Variants in MARCHF1 observed in about 807,000 individuals in gnomAD.
MARCHF1 encodes the protein membrane associated ring-CH-type finger 1.
Under a neutral mutation model 54.2 loss-of-function variants are expected in MARCHF1, and 40 were observed. The observed-to-expected ratio is 0.74, with a 90% CI of 0.57 to 0.96. The LOEUF is 0.96. Among genes scored for constraint, MARCHF1 ranks in the 40% least tolerant of loss-of-function variants. The pLI, the probability that MARCHF1 is intolerant of heterozygous loss-of-function variation, is 0.00. For synonymous variants in MARCHF1, 236 were observed against 236.3 expected (o/e 1.00, Z 0.01); for missense variants, 586 against 656.5 (o/e 0.89, Z 1.17).
At chr4:163,700,664 A>T in intron 5 of MARCHF1, 149 bp downstream of exon 5, 1 of 589,566 alleles carries the variant, frequency 1.7e-6, no homozygotes, top group Non-Finnish European at 2.9e-6. Context: ...TCTTCTTATT[A>T]CAGTAAAAGC....
intron 1 of MARCHF1, among the ~76,000 whole-genome samples, chr4:164,219,023 A>C (rs1732016810): frequency 6.6e-6 from 1 of 152,224 alleles, no homozygotes; most frequent in Middle Eastern, 3.4e-3. Flanking sequence ...CAATTACTTT[A>C]TTCCATTATT....
intron 4 of MARCHF1, among the ~76,000 whole-genome samples, chr4:163,792,594 T>C (rs1009778561): frequency 6.6e-6 from 1 of 152,182 alleles, no homozygotes; most frequent in African/African-American, 2.4e-5. Context: ...ACTTAATTGG[T>C]ATCATCTTCT....
chr4:163,669,758 C>T (rs2111125258), intron 5 of MARCHF1, among the ~76,000 whole-genome samples: 1 of 152,180 alleles, frequency 6.6e-6, no homozygotes, highest in South Asian at 2.1e-4. Context: ...GCCACCATAC[C>T]TGGCTAATTT....
intron 5 of MARCHF1, among the ~76,000 whole-genome samples, chr4:163,635,998 T>G (rs1383344738): frequency 1.3e-5 from 2 of 152,154 alleles, no homozygotes; most frequent in Admixed American, 6.6e-5. Flanking sequence ...AAAAACCACA[T>G]GATTATCTCA....
At chr4:164,176,970 CTCTCTCTCTCTATAT>C (rs1730694111) in intron 1 of MARCHF1, among the ~76,000 whole-genome samples, 1 of 57,444 alleles carries the variant, frequency 1.7e-5, no homozygotes, top group Non-Finnish European at 3.1e-5. Flanking sequence ...CTCTCTCTCT[CTCTCTCTCTCTATAT>C]ATATATATAT....
chr4:163,542,344 C>T (rs1205313601), intron 9 of MARCHF1, among the ~76,000 whole-genome samples: 1 of 152,186 alleles, frequency 6.6e-6, no homozygotes, highest in Non-Finnish European at 1.5e-5. Context: ...GTGTTCAGCA[C>T]CGGGGAGATG....
At chr4:163,585,303 T>C (rs1740372054) in intron 8 of MARCHF1, 1 of 152,364 alleles carries the variant, frequency 6.6e-6, no homozygotes, top group African/African-American at 2.4e-5. Context: ...AAGAAATCAT[T>C]CTCTTCTATT....
At chr4:163,718,218 A>G (rs1045426470) in intron 4 of MARCHF1, among the ~76,000 whole-genome samples, 2 of 152,232 alleles carry the variant, frequency 1.3e-5, no homozygotes, top group Admixed American at 1.3e-4. Flanking sequence ...AAACCTAGGC[A>G]ATACCATTCA....
chr4:164,069,046 C>T (rs1297614318), intron 2 of MARCHF1, among the ~76,000 whole-genome samples: 1 of 152,142 alleles, frequency 6.6e-6, no homozygotes, highest in East Asian at 1.9e-4. Flanking sequence ...AACCGGCACT[C>T]TGTATCTAGC....
chr4:163,619,630 G>A (rs552600226), intron 5 of MARCHF1, among the ~76,000 whole-genome samples: 3 of 151,900 alleles, frequency 2.0e-5, no homozygotes, highest in Admixed American at 6.6e-5. Flanking sequence ...TCTGTTTCTC[G>A]GTACAGACAA....
chr4:163,971,503 T>C (rs1439463843), intron 3 of MARCHF1, among the ~76,000 whole-genome samples: 1 of 152,160 alleles, frequency 6.6e-6, no homozygotes, highest in Non-Finnish European at 1.5e-5. Flanking sequence ...GTCAGGTTAG[T>C]TCTATTAGTG....
intron 5 of MARCHF1, among the ~76,000 whole-genome samples, chr4:163,641,522 T>C (rs1742555619): frequency 6.6e-6 from 1 of 152,184 alleles, no homozygotes; most frequent in Admixed American, 6.6e-5. Context: ...AGTAGGAAGC[T>C]ACAAAGAAGA....
chr4:164,134,501 T>C (rs1756362122), intron 1 of MARCHF1, among the ~76,000 whole-genome samples: 1 of 152,188 alleles, frequency 6.6e-6, no homozygotes, highest in African/African-American at 2.4e-5. Flanking sequence ...ATTAACTCAT[T>C]TAGGTTACTA....
At chr4:163,770,521 AACACACACACACACACAC>A (rs36201521) in intron 4 of MARCHF1, among the ~76,000 whole-genome samples, 42 of 147,298 alleles carry the variant, frequency 2.9e-4, no homozygotes, top group African/African-American at 7.3e-4. Context: ...TCCCTCACTG[AACACACACACACACACAC>A]ACACACACAC....
intron 5 of MARCHF1, among the ~76,000 whole-genome samples, chr4:163,623,465 T>G (rs1042230901): frequency 3.9e-5 from 6 of 152,166 alleles, no homozygotes; most frequent in Non-Finnish European, 8.8e-5. Context: ...ATTGTATGAG[T>G]GCCACTTACC....
chr4:163,849,692 T>C (rs1303783387), intron 4 of MARCHF1, among the ~76,000 whole-genome samples: 1 of 152,112 alleles, frequency 6.6e-6, no homozygotes, highest in South Asian at 2.1e-4. Context: ...GATTACCCAC[T>C]CCCATTCTTT....
At chr4:164,075,212 A>G (rs1400437396) in intron 2 of MARCHF1, among the ~76,000 whole-genome samples, 1 of 152,250 alleles carries the variant, frequency 6.6e-6, no homozygotes, top group Non-Finnish European at 1.5e-5. Flanking sequence ...ACAAGATAGT[A>G]AGAAATTATT....
intron 3 of MARCHF1, among the ~76,000 whole-genome samples, chr4:163,870,977 A>G (rs1750156421): frequency 6.6e-6 from 1 of 152,202 alleles, no homozygotes; most frequent in South Asian, 2.1e-4. Flanking sequence ...ATAGCTATAA[A>G]GAACAAATTT....
At chr4:164,315,346 A>G (rs1158028057) in intron 1 of MARCHF1, among the ~76,000 whole-genome samples, 1 of 152,062 alleles carries the variant, frequency 6.6e-6, no homozygotes, top group Non-Finnish European at 1.5e-5. Context: ...TGCAATAGTT[A>G]GCAAACCACT....
Sources: gnomAD v4.1 joint callset for allele counts (sites outside exome capture counted in the v4.1 genomes callset) on GRCh38, gnomAD v4.1.1 for gene constraint, MANE v1.5 for transcripts, NCBI Gene and HGNC (gene_info 2026-07-23, HGNC 2026-07-21) for gene names.